Variants in ATP6V0E1 observed in about 807,000 individuals in gnomAD.
The protein encoded by ATP6V0E1 is ATPase H+ transporting V0 subunit e1, also known as V-type proton ATPase subunit e 1.
A neutral mutation model predicts 11.6 loss-of-function variants in ATP6V0E1; 4 were observed. That is an observed-to-expected ratio of 0.35 (90% CI 0.17 to 0.79). The LOEUF (loss-of-function observed/expected upper bound fraction) is 0.79. Among genes scored for constraint, ATP6V0E1 ranks in the 30% least tolerant of loss-of-function variants. The pLI is 0.54. For synonymous variants in ATP6V0E1, 36 were observed against 34.8 expected (o/e 1.04, Z -0.13); for missense variants, 105 against 100.0 (o/e 1.05, Z -0.21).
At chr5:172,998,280 T>C (rs1258669896) in intron 2 of ATP6V0E1, among the ~76,000 whole-genome samples, 2 of 144,688 alleles carry the variant, frequency 1.4e-5, no homozygotes, top group African/African-American at 5.2e-5. Flanking sequence ...AGGTTGCATG[T>C]GGAGGGAATT....
intron 2 of ATP6V0E1, among the ~76,000 whole-genome samples, chr5:173,013,985 G>A (rs979629593): frequency 1.3e-4 from 19 of 151,976 alleles, no homozygotes; most frequent in African/African-American, 4.6e-4. Context: ...TCAACATGGT[G>A]GAACCCCATC....
intron 3 of ATP6V0E1, among the ~76,000 whole-genome samples, chr5:173,028,707 G>A (rs1228763789): frequency 2.6e-5 from 4 of 152,190 alleles, no homozygotes; most frequent in East Asian, 1.9e-4. Flanking sequence ...GTTACAGCAC[G>A]TTATGTTTAT....
intron 2 of ATP6V0E1, among the ~76,000 whole-genome samples, chr5:173,002,280 G>A (rs374162537): frequency 5.9e-5 from 9 of 152,054 alleles, no homozygotes; most frequent in Non-Finnish European, 8.8e-5. Flanking sequence ...TTAAATTTCC[G>A]TAATTGTCTC....
At chr5:172,995,227 C>G (rs932114110) in intron 2 of ATP6V0E1, among the ~76,000 whole-genome samples, 2 of 152,184 alleles carry the variant, frequency 1.3e-5, no homozygotes, top group African/African-American at 2.4e-5. Flanking sequence ...CCTCAGCTAC[C>G]TAAATGGCTG....
intron 1 of ATP6V0E1, chr5:172,986,604 G>A: frequency 2.6e-6 from 1 of 384,716 alleles, no homozygotes; most frequent in Non-Finnish European, 5.1e-6. Context: ...CTCCAGCCTG[G>A]GCAACAGTGA....
intron 2 of ATP6V0E1, among the ~76,000 whole-genome samples, chr5:172,996,184 T>A (rs1471489475): frequency 6.6e-6 from 1 of 151,978 alleles, no homozygotes; most frequent in Non-Finnish European, 1.5e-5. Flanking sequence ...AAATAGAAAA[T>A]TTACCATATA....
At chr5:172,992,207 C>T (rs374597416) in intron 1 of ATP6V0E1, among the ~76,000 whole-genome samples, 16 of 152,248 alleles carry the variant, frequency 1.1e-4, no homozygotes, top group Admixed American at 3.9e-4. Flanking sequence ...CCCGCCACCA[C>T]GCCCGGCTAA....
chr5:173,000,929 G>T (rs1056970708), intron 2 of ATP6V0E1, among the ~76,000 whole-genome samples: 3 of 152,074 alleles, frequency 2.0e-5, no homozygotes, highest in African/African-American at 7.2e-5. Flanking sequence ...TCGAACTCCT[G>T]ACCTCAAGTG....
In ATP6V0E1 at chr5:172,990,034, C is replaced by T. The variant is rs186635199; in HGVS notation, c.105-4741C>T. On this transcript the variant is annotated intron_variant, in intron 1 of 3. Coordinates refer to ENST00000519374, the MANE Select transcript of ATP6V0E1 (RefSeq NM_003945.4). ...AAAAAATGTTGTAGATACTGGGTCT[C>T]GTTTTATTGCCTATGCTGGTCTTGA... Among the ~76,000 whole-genome samples the T allele has an allele frequency of 5.3e-5, 8 of 152,144 alleles. 1 individual carries two copies. The highest frequency in any genetic ancestry group is 3.3e-4 in the Admixed American group (5 of 15,256).
intron 2 of ATP6V0E1, among the ~76,000 whole-genome samples, chr5:172,995,561 G>A (rs1047503744): frequency 2.6e-5 from 4 of 152,156 alleles, no homozygotes; most frequent in African/African-American, 9.7e-5. Context: ...ACAATTCATT[G>A]TAAGCTGTAT....
At chr5:173,021,421 A>C (rs1411910444) in intron 3 of ATP6V0E1, among the ~76,000 whole-genome samples, 1 of 152,128 alleles carries the variant, frequency 6.6e-6, no homozygotes, top group Non-Finnish European at 1.5e-5. Flanking sequence ...GAGAATCAGA[A>C]CCAAGCAAAA....
In ATP6V0E1 at chr5:173,020,283, G is replaced by A. The variant is rs763607758; in HGVS notation, c.198G>A (p.Pro66=). 20 of 1,613,628 alleles carry A rather than the reference G, an allele frequency of 1.2e-5. No homozygotes were observed. The highest frequency in any genetic ancestry group is 2.2e-5 in the East Asian group (1 of 44,878). ...ILAQLNPLFG[P]QLKNETIWYL... ...CCCAACTCAACCCTCTCTTTGGACC[G>A]CAATTGAAAAATGAAACCATCTGGT... Residue 66 remains proline, a synonymous_variant, in exon 3 of 4, where the codon CCG becomes CCA. Transcript: ENST00000519374.
chr5:173,021,378 A>T (rs1271956219), intron 3 of ATP6V0E1, among the ~76,000 whole-genome samples: 1 of 151,922 alleles, frequency 6.6e-6, no homozygotes, highest in Admixed American at 6.6e-5. Context: ...ATGGCGGAGG[A>T]TGAAAGGCAG....
chr5:173,021,879 C>CA (rs57222147), intron 3 of ATP6V0E1, among the ~76,000 whole-genome samples: 3,203 of 152,184 alleles, frequency 0.021, 111 homozygotes, highest in African/African-American at 0.071. Context: ...ACTAAAAATA[C>CA]AAAAAATTAG....
intron 2 of ATP6V0E1, among the ~76,000 whole-genome samples, chr5:173,016,744 T>C (rs1172671633): frequency 6.6e-6 from 1 of 152,232 alleles, no homozygotes; most frequent in Admixed American, 6.5e-5. Context: ...TAGCGTCAAC[T>C]GCAGTCACAG....
chr5:173,024,333 T>A (rs761200041), intron 3 of ATP6V0E1, among the ~76,000 whole-genome samples: 22 of 152,128 alleles, frequency 1.4e-4, no homozygotes, highest in South Asian at 4.1e-4. Context: ...AGATTTTTTT[T>A]AAATTTTAAA....
intron 3 of ATP6V0E1, among the ~76,000 whole-genome samples, chr5:173,024,078 G>T (rs1756521328): frequency 6.6e-6 from 1 of 151,418 alleles, no homozygotes; most frequent in Non-Finnish European, 1.5e-5. Flanking sequence ...GGCGCCTGTA[G>T]TCCCAGCGAC....
rs748919348 is a variant in ATP6V0E1, at chr5:173,020,358, A to G, written c.*27A>G. The G allele has an allele frequency of 2.5e-5, 39 of 1,549,912 alleles. No homozygotes were observed. The highest frequency in any genetic ancestry group is 3.4e-5 in the Non-Finnish European group (38 of 1,122,150). ...GAAGAAGACATGCTCTACAGTGCTC[A>G]GTCTTTGAGGTGACTATGCTTGTGA... On this transcript the variant is annotated 3_prime_UTR_variant, in exon 3 of 4. Transcript: ENST00000519374.
chr5:173,008,651 T>G (rs1358124424), intron 2 of ATP6V0E1, among the ~76,000 whole-genome samples: 1 of 144,130 alleles, frequency 6.9e-6, no homozygotes, highest in Non-Finnish European at 1.5e-5. Flanking sequence ...GGCTCACACC[T>G]GTAATCCCAG....
Sources: allele counts gnomAD v4.1 joint callset (sites outside exome capture counted in the v4.1 genomes callset), GRCh38; gene constraint gnomAD v4.1.1; transcripts MANE v1.5; gene names NCBI Gene and HGNC (gene_info 2026-07-23, HGNC 2026-07-21).